Variants in OPCML observed in about 807,000 individuals in gnomAD.
OPCML encodes the protein opioid-binding protein/cell adhesion molecule.
In OPCML, 13 loss-of-function variants were observed where a neutral mutation model predicts 37.8. That is an observed-to-expected ratio of 0.34 (90% confidence interval 0.22 to 0.55). OPCML has a LOEUF of 0.55. Ranked by LOEUF, OPCML falls within the 20% of genes least tolerant of loss-of-function variation. The pLI, the probability that OPCML is intolerant of heterozygous loss-of-function variation, is 0.91. For missense variants in OPCML, 341 were observed against 435.6 expected (o/e 0.78, Z 1.93); for synonymous variants, 176 against 168.8 (o/e 1.04, Z -0.33).
chr11:132,781,348 C>T (rs1947005935), intron 2 of OPCML, among the ~76,000 whole-genome samples: 1 of 151,966 alleles, frequency 6.6e-6, no homozygotes, highest in Non-Finnish European at 1.5e-5. Context: ...CTTCTCCTGC[C>T]TAACTGCTTG....
At chr11:133,432,613 G>A (rs1946146366) in intron 1 of OPCML, among the ~76,000 whole-genome samples, 1 of 152,186 alleles carries the variant, frequency 6.6e-6, no homozygotes, top group Non-Finnish European at 1.5e-5. Flanking sequence ...CTGGAAAATT[G>A]TCTTGCCATG....
At position 132,906,348 on chromosome 11, in the gene OPCML, ATTTTG is replaced by A. The variant is rs1245249365; in HGVS notation, c.146+36573_146+36577del. On this transcript the variant is annotated intron_variant, in intron 2 of 7. Transcript: ENST00000524381. ...CTTAAATAAATCTTTAAATAAAGCT[ATTTTG>A]TTTTATCTTTAGGGCCTATGAACAG... 2.6e-5 allele frequency among the ~76,000 whole-genome samples: 4 copies of A among 152,270 alleles called. No individual in the cohort carries two copies. In the East Asian group the frequency reaches 5.8e-4, roughly 22 times the overall value.
chr11:133,120,491 A>C (rs78036061), intron 1 of OPCML, among the ~76,000 whole-genome samples: 1 of 152,282 alleles, frequency 6.6e-6, no homozygotes, highest in Non-Finnish European at 1.5e-5. Flanking sequence ...TTTTTTATGA[A>C]TCAACTGATA....
chr11:132,464,836 T>TA (rs2096114667), intron 4 of OPCML, among the ~76,000 whole-genome samples: 1 of 152,216 alleles, frequency 6.6e-6, no homozygotes, highest in African/African-American at 2.4e-5. Flanking sequence ...AGAAGTGTGT[T>TA]ATATGTACAA....
At chr11:133,458,249 TA>T (rs1946729719) in intron 1 of OPCML, among the ~76,000 whole-genome samples, 3 of 58,498 alleles carry the variant, frequency 5.1e-5, no homozygotes, top group Admixed American at 3.2e-4. Flanking sequence ...TATATACACA[TA>T]TATATACACG....
chr11:132,466,307 A>G (rs1417813666), intron 4 of OPCML, among the ~76,000 whole-genome samples: 10 of 143,700 alleles, frequency 7.0e-5, no homozygotes, highest in Non-Finnish European at 7.5e-5. Context: ...CCCCGTCTCT[A>G]CTAAAAATAC....
chr11:132,869,341 C>T (rs1164130549), intron 2 of OPCML, among the ~76,000 whole-genome samples: 1 of 152,206 alleles, frequency 6.6e-6, no homozygotes, highest in Non-Finnish European at 1.5e-5. Flanking sequence ...CCGCCTCCTC[C>T]TTCCCACCAA....
At chr11:133,366,643 A>G (rs1424027555) in intron 1 of OPCML, among the ~76,000 whole-genome samples, 3 of 152,160 alleles carry the variant, frequency 2.0e-5, no homozygotes, top group African/African-American at 7.2e-5. Flanking sequence ...ACACTGAGGA[A>G]TTAATCTCAA....
At chr11:133,291,195 C>T (rs995708343) in intron 1 of OPCML, among the ~76,000 whole-genome samples, 3 of 152,194 alleles carry the variant, frequency 2.0e-5, no homozygotes, top group Admixed American at 1.3e-4. Context: ...CACCAAAAGG[C>T]AAATTTTGGA....
intron 2 of OPCML, among the ~76,000 whole-genome samples, chr11:132,673,591 GA>G: frequency 6.6e-6 from 1 of 152,118 alleles, no homozygotes; most frequent in South Asian, 2.1e-4. Context: ...TTGGGAGGTG[GA>G]AAAAAGCCCT....
chr11:133,530,688 T>C (rs1001470466), intron 1 of OPCML, among the ~76,000 whole-genome samples: 2 of 152,228 alleles, frequency 1.3e-5, no homozygotes. Flanking sequence ...ACCCCCACTC[T>C]GAACTTCTTG....
chr11:132,999,285 GC>G lies in OPCML; in HGVS notation c.62-56276del, dbSNP rs1170319911. 2.6e-5 allele frequency among the ~76,000 whole-genome samples: 4 copies of G among 151,374 alleles called. No homozygotes were observed. The East Asian group carries it at 7.8e-4, about 30-fold the overall frequency. On this transcript the variant is annotated intron_variant, in intron 1 of 7. Transcript: ENST00000524381. ...GGTGGCGAGACCCCCTCTCGCCCCAGCCCCCTCCCTAGCAATGACACTGCCG... is the reference window on the plus strand; with the variant it reads ...GGTGGCGAGACCCCCTCTCGCCCCAGCCCCTCCCTAGCAATGACACTGCCG...
At chr11:132,802,951 G>A (rs1225161503) in intron 2 of OPCML, among the ~76,000 whole-genome samples, 1 of 152,090 alleles carries the variant, frequency 6.6e-6, no homozygotes, top group African/African-American at 2.4e-5. Context: ...TAGAATTAAA[G>A]GTAGAAAAAT....
intron 1 of OPCML, among the ~76,000 whole-genome samples, chr11:133,368,870 C>A (rs142345354): frequency 7.5e-4 from 114 of 152,316 alleles, no homozygotes; most frequent in African/African-American, 2.5e-3. Flanking sequence ...GGTCTATATC[C>A]AAACACTCAG....
chr11:133,400,794 C>G (rs1425806059), intron 1 of OPCML, among the ~76,000 whole-genome samples: 1 of 152,082 alleles, frequency 6.6e-6, no homozygotes, highest in East Asian at 1.9e-4. Context: ...GCTCAGGGTA[C>G]CTGGTTTCAG....
chr11:132,921,753 T>G (rs538183800), intron 2 of OPCML, among the ~76,000 whole-genome samples: 1 of 152,330 alleles, frequency 6.6e-6, no homozygotes, highest in Admixed American at 6.5e-5. Context: ...AGGTGATGTC[T>G]GGGGCTGCTG....
intron 1 of OPCML, among the ~76,000 whole-genome samples, chr11:133,190,804 G>A (rs527509259): frequency 6.6e-6 from 1 of 152,014 alleles, no homozygotes; most frequent in South Asian, 2.1e-4. Context: ...GTTGTAACAT[G>A]TATTAGTGTT....
intron 2 of OPCML, among the ~76,000 whole-genome samples, chr11:132,774,759 C>T (rs762658190): frequency 1.5e-4 from 23 of 152,346 alleles, no homozygotes; most frequent in Non-Finnish European, 1.9e-4. Context: ...ATCAAGACAG[C>T]GACTGCCATT....
At chr11:133,473,213 A>G (rs888028284) in intron 1 of OPCML, among the ~76,000 whole-genome samples, 1 of 152,202 alleles carries the variant, frequency 6.6e-6, no homozygotes, top group Admixed American at 6.5e-5. Context: ...GGTTAATAGC[A>G]GGAAACAGCA....
Sources: allele counts gnomAD v4.1 joint callset (sites outside exome capture counted in the v4.1 genomes callset), GRCh38; gene constraint gnomAD v4.1.1; transcripts MANE v1.5; gene names NCBI Gene and HGNC (gene_info 2026-07-23, HGNC 2026-07-21).